Variants in CFDP1 observed in about 807,000 individuals in gnomAD.
The protein encoded by CFDP1 is chromatin remodeling protein CFDP1.
Under a neutral mutation model 40.1 loss-of-function variants are expected in CFDP1, and 31 were observed. The ratio of observed to expected loss-of-function variants is 0.77; its 90% CI spans 0.58 to 1.04. The LOEUF (loss-of-function observed/expected upper bound fraction) is 1.04, where lower values mean the gene tolerates loss of function less well. Ranked by LOEUF, CFDP1 falls within the 50% of genes least tolerant of loss-of-function variation. The probability of loss-of-function intolerance (pLI) is 0.00; values close to 1 mark genes in which losing one functional copy is unlikely to be tolerated. For missense variants in CFDP1, 423 were observed against 343.4 expected (o/e 1.23, Z -1.83); for synonymous variants, 167 against 120.0 (o/e 1.39, Z -2.56).
At chr16:75,369,577 A>G (rs1221996865) in intron 5 of CFDP1, among the ~76,000 whole-genome samples, 1 of 152,176 alleles carries the variant, frequency 6.6e-6, no homozygotes, top group Non-Finnish European at 1.5e-5. Context: ...ATGTGTCCAC[A>G]CTTGTTTCTT....
intron 4 of CFDP1, among the ~76,000 whole-genome samples, chr16:75,409,629 T>C (rs910763627): frequency 6.6e-6 from 1 of 152,200 alleles, no homozygotes; most frequent in South Asian, 2.1e-4. Context: ...ATGAGAGTTA[T>C]ATCGTGCTAC....
chr16:75,323,155 T>C (rs2078377122), intron 5 of CFDP1, among the ~76,000 whole-genome samples: 1 of 152,046 alleles, frequency 6.6e-6, no homozygotes, highest in African/African-American at 2.4e-5. Flanking sequence ...GTAGAAAAAC[T>C]TTCTTTATAC....
intron 5 of CFDP1, among the ~76,000 whole-genome samples, chr16:75,309,628 GC>G (rs2078280498): frequency 6.6e-6 from 1 of 151,958 alleles, no homozygotes; most frequent in Non-Finnish European, 1.5e-5. Context: ...AGACCATCCT[GC>G]CTAACACGGT....
At chr16:75,331,849 A>T (rs1428069272) in intron 5 of CFDP1, among the ~76,000 whole-genome samples, 1 of 152,214 alleles carries the variant, frequency 6.6e-6, no homozygotes, top group Non-Finnish European at 1.5e-5. Flanking sequence ...GCTGGGTCAT[A>T]GAGTGGGCGT....
chr16:75,385,005 A>G (rs2078883455), intron 5 of CFDP1, among the ~76,000 whole-genome samples: 1 of 151,146 alleles, frequency 6.6e-6, no homozygotes, highest in Non-Finnish European at 1.5e-5. Flanking sequence ...TTCCCTGATC[A>G]TTGATTTTAA....
At chr16:75,383,596 G>A (rs910723630) in intron 5 of CFDP1, among the ~76,000 whole-genome samples, 4 of 151,910 alleles carry the variant, frequency 2.6e-5, no homozygotes, top group Non-Finnish European at 4.4e-5. Context: ...CGAGGTGGGC[G>A]GATCATGAGG....
At chr16:75,410,908 CAAAA>C (rs74355496) in intron 4 of CFDP1, among the ~76,000 whole-genome samples, 6 of 62,606 alleles carry the variant, frequency 9.6e-5, no homozygotes, top group Admixed American at 1.9e-4. Flanking sequence ...GACTCTGTCT[CAAAA>C]AAAAAAAAAA....
chr16:75,347,104 G>C (rs1253540830), intron 5 of CFDP1, among the ~76,000 whole-genome samples: 1 of 151,626 alleles, frequency 6.6e-6, no homozygotes, highest in East Asian at 1.9e-4. Flanking sequence ...CCAGCACTTT[G>C]GGAGGCTGAG....
chr16:75,335,363 C>A (rs1239504288), intron 5 of CFDP1, among the ~76,000 whole-genome samples: 2 of 152,086 alleles, frequency 1.3e-5, no homozygotes, highest in African/African-American at 2.4e-5. Context: ...CAAAAAAGGA[C>A]ACACTGAAAA....
chr16:75,306,871 G>A (rs934409468), intron 5 of CFDP1, among the ~76,000 whole-genome samples: 27 of 144,592 alleles, frequency 1.9e-4, no homozygotes, highest in African/African-American at 2.2e-4. Context: ...TCATATGTGC[G>A]CGTGATCACA....
chr16:75,317,417 A>G (rs1025725337), intron 5 of CFDP1, among the ~76,000 whole-genome samples: 5 of 152,192 alleles, frequency 3.3e-5, no homozygotes, highest in African/African-American at 1.2e-4. Flanking sequence ...AGAGAAGGAC[A>G]CGCCACCATT....
intron 5 of CFDP1, among the ~76,000 whole-genome samples, chr16:75,305,927 T>G (rs149260592): frequency 1.1e-3 from 166 of 152,350 alleles, no homozygotes; most frequent in African/African-American, 3.8e-3. Context: ...GATGCTATCA[T>G]GGACAGTGGG....
At chr16:75,433,211 G>T (rs1430531171) in intron 1 of CFDP1, 78 bp downstream of exon 1, 7 of 1,405,186 alleles carry the variant, frequency 5.0e-6, no homozygotes, top group Non-Finnish European at 6.8e-6. Flanking sequence ...CAGGGCAGAC[G>T]CCCGCGGGGG....
chr16:75,366,155 T>C (rs2078712250), intron 5 of CFDP1, among the ~76,000 whole-genome samples: 1 of 152,172 alleles, frequency 6.6e-6, no homozygotes. Context: ...ATGAATGGGA[T>C]AAGTATAATG....
intron 4 of CFDP1, among the ~76,000 whole-genome samples, chr16:75,411,108 C>T (rs951371387): frequency 9.2e-5 from 14 of 151,958 alleles, no homozygotes; most frequent in African/African-American, 3.1e-4. Context: ...ATCCCATCTA[C>T]TTGGGAGGCT....
intron 1 of CFDP1, among the ~76,000 whole-genome samples, chr16:75,432,818 G>C (rs1471823253): frequency 1.3e-5 from 2 of 152,156 alleles, no homozygotes; most frequent in Admixed American, 6.5e-5. Flanking sequence ...ACGTCACAAT[G>C]AGGCAAAAAG....
intron 1 of CFDP1, among the ~76,000 whole-genome samples, chr16:75,430,751 A>T (rs1425090280): frequency 6.6e-6 from 1 of 152,194 alleles, no homozygotes; most frequent in Non-Finnish European, 1.5e-5. Flanking sequence ...GGCTCGAGCC[A>T]CTGCTCGGCT....
intron 1 of CFDP1, among the ~76,000 whole-genome samples, chr16:75,432,698 G>C (rs368603195): frequency 6.6e-6 from 1 of 152,178 alleles, no homozygotes; most frequent in African/African-American, 2.4e-5. Context: ...GGTTTGTCTG[G>C]GGAAGACCAA....
chr16:75,338,798 C>T (rs1485464278), intron 5 of CFDP1, among the ~76,000 whole-genome samples: 13 of 152,148 alleles, frequency 8.5e-5, no homozygotes, highest in Admixed American at 8.5e-4. Flanking sequence ...GGGATAGCTT[C>T]TGTGGGTACA....
Sources: allele counts gnomAD v4.1 joint callset (sites outside exome capture counted in the v4.1 genomes callset), GRCh38; gene constraint gnomAD v4.1.1; transcripts MANE v1.5; gene names NCBI Gene and HGNC (gene_info 2026-07-23, HGNC 2026-07-21).